The following HIF1A variants were observed in gnomAD, a reference collection of about 807,000 sequenced individuals.
The protein encoded by HIF1A is hypoxia-inducible factor 1-alpha.
A neutral mutation model predicts 92.7 loss-of-function variants in HIF1A; 24 were observed. The observed-to-expected ratio is 0.26, with a 90% confidence interval of 0.19 to 0.36. HIF1A has a LOEUF of 0.36. HIF1A is among the 10% of genes least tolerant of loss of function. The probability of loss-of-function intolerance (pLI) is 1.00; values close to 1 mark genes in which losing one functional copy is unlikely to be tolerated. For synonymous variants in HIF1A, 319 were observed against 338.7 expected, an observed-to-expected ratio of 0.94 and a Z score of 0.64; for missense variants, 799 against 998.5, an observed-to-expected ratio of 0.80 and a Z score of 2.69.
chr14:61,721,149 G>C (rs1438952916), intron 2 of HIF1A, among the ~76,000 whole-genome samples: 1 of 152,104 alleles, frequency 6.6e-6, no homozygotes, highest in Non-Finnish European at 1.5e-5. Context: ...GCTGAGGCAG[G>C]AGAATTGCTT....
chr14:61,705,874 A>G (rs1405793341), intron 1 of HIF1A, among the ~76,000 whole-genome samples: 1 of 152,180 alleles, frequency 6.6e-6, no homozygotes, highest in East Asian at 1.9e-4. Flanking sequence ...AATCTTAATC[A>G]TGGTCAAGGT....
At chr14:61,709,897 G>A (rs2044286721) in intron 1 of HIF1A, among the ~76,000 whole-genome samples, 1 of 152,106 alleles carries the variant, frequency 6.6e-6, no homozygotes, top group African/African-American at 2.4e-5. Flanking sequence ...GACAAATGCA[G>A]GTACAGTGAT....
Position 61,744,775 on chromosome 14 carries a change from A to G in HIF1A, c.2164A>G (p.Met722Val), listed in dbSNP as rs573267725. 1.3e-6 allele frequency: 2 copies of G among 1,595,610 alleles called. No homozygotes were observed. Among genetic ancestry groups the G allele is most frequent in the African/African-American group, 1.3e-5 (1 of 74,462 alleles). ...GCAGAATGCTCAGAGAAAGCGAAAA[A>G]TGGAACATGATGGTTCACTTTTTCA... The part of the protein sequence containing the change: ...ALQNAQRKRK[M>V]EHDGSLFQAV... The change falls in exon 13 of 15, where the codon ATG becomes GTG. Residue 722 changes from methionine to valine, a missense_variant. By Grantham distance (21) the Met-to-Val change is conservative (BLOSUM62 1). Coordinates refer to ENST00000337138, the MANE Select transcript of HIF1A (RefSeq NM_001530.4).
At chr14:61,717,873 T>G (rs1297702524) in intron 1 of HIF1A, among the ~76,000 whole-genome samples, 1 of 147,910 alleles carries the variant, frequency 6.8e-6, no homozygotes. Context: ...ATACAAAAAT[T>G]AGCCTGGCAT....
At chr14:61,735,137 T>A (rs1436164253) in intron 8 of HIF1A, among the ~76,000 whole-genome samples, 1 of 152,222 alleles carries the variant, frequency 6.6e-6, no homozygotes, top group African/African-American at 2.4e-5. Context: ...CAGGCTAAGC[T>A]TTCTAGTGTG....
chr14:61,704,344 T>C (rs570139351), intron 1 of HIF1A, among the ~76,000 whole-genome samples: 2 of 152,298 alleles, frequency 1.3e-5, no homozygotes, highest in African/African-American at 2.4e-5. Flanking sequence ...TGGTTTTTTT[T>C]CCATAAACAT....
chr14:61,733,498 T>TTTAATC (rs1333620234), intron 7 of HIF1A, among the ~76,000 whole-genome samples: 3 of 152,214 alleles, frequency 2.0e-5, no homozygotes, highest in Non-Finnish European at 4.4e-5. Flanking sequence ...ATCTCACCTG[T>TTTAATC]TTAATCTGTA....
intron 1 of HIF1A, among the ~76,000 whole-genome samples, chr14:61,696,618 T>G (rs762105613): frequency 1.3e-5 from 2 of 152,188 alleles, no homozygotes; most frequent in Non-Finnish European, 2.9e-5. Flanking sequence ...TCATATCACC[T>G]GTCACGAGAA....
chr14:61,717,001 A>G (rs771563097), intron 1 of HIF1A: 152 of 152,244 alleles, frequency 1.0e-3, no homozygotes, highest in Admixed American at 3.9e-3. Context: ...CAGCAGAAGA[A>G]CTTCACTTGA....
rs1215298795 is a variant in HIF1A, at chr14:61,747,111, T to C, written c.*26T>C. The C allele has an allele frequency of 1.9e-6, 3 of 1,589,194 alleles. No individual in the cohort carries two copies. The South Asian group carries it at 3.5e-5, about 18-fold the overall frequency. On this transcript the variant is annotated 3_prime_UTR_variant, in exon 15 of 15. Transcript: ENST00000337138. The stretch of plus-strand genomic sequence containing the variant: ...GCTTTTTCTTAATTTCATTCCTTTT[T>C]TTGGACACTGGTGGCTCATTACCTA...
At position 61,720,508 on chromosome 14, in the gene HIF1A, T is replaced by G. The variant is rs1345348773; in HGVS notation, c.162T>G (p.Leu54=). The G allele has an allele frequency of 6.2e-7, 1 of 1,613,612 alleles. No individual in the cohort carries two copies. Among genetic ancestry groups the G allele is most frequent in the Admixed American group, 1.7e-5 (1 of 59,946 alleles). ...LPLPHNVSSH[L]DKASVMRLTI... is the part of the protein sequence containing the mutation. The stretch of plus-strand genomic sequence containing the variant: ...TTCCACATAATGTGAGTTCGCATCT[T>G]GATAAGGCCTCTGTGATGAGGCTTA... Residue 54 remains leucine (L), a synonymous_variant, in exon 2 of 15, where the codon CTT becomes CTG. Transcript: ENST00000337138.
chr14:61,722,301 T>A (rs2044442002), intron 4 of HIF1A, among the ~76,000 whole-genome samples: 1 of 152,208 alleles, frequency 6.6e-6, no homozygotes, highest in Non-Finnish European at 1.5e-5. Context: ...CTGCTCAGGC[T>A]GGTCTTGAAC....
At chr14:61,720,269 T>C (rs1436731325) in intron 1 of HIF1A, 113 bp from the exon 2 acceptor site, 11 of 670,122 alleles carry the variant, frequency 1.6e-5, no homozygotes, top group Admixed American at 3.5e-5. Context: ...CTTAATTACA[T>C]GGCATCTTCT....
At chr14:61,697,577 C>G in intron 1 of HIF1A, 1 of 511,840 alleles carries the variant, frequency 2.0e-6, no homozygotes, top group East Asian at 8.5e-5. Flanking sequence ...TCTAAATAAG[C>G]TCTTAGATTT....
At chr14:61,714,051 C>T (rs2044336753) in intron 1 of HIF1A, among the ~76,000 whole-genome samples, 1 of 151,928 alleles carries the variant, frequency 6.6e-6, no homozygotes, top group African/African-American at 2.4e-5. Flanking sequence ...AGAGTTTTTT[C>T]CAAAACAATA....
chr14:61,735,903 C>G (rs564522604), intron 8 of HIF1A, among the ~76,000 whole-genome samples: 2 of 152,132 alleles, frequency 1.3e-5, no homozygotes, highest in Non-Finnish European at 2.9e-5. Context: ...CACAACAATT[C>G]TGAAGATTTG....
At chr14:61,711,477 G>A in intron 1 of HIF1A, among the ~76,000 whole-genome samples, 1 of 152,088 alleles carries the variant, frequency 6.6e-6, no homozygotes, top group East Asian at 1.9e-4. Flanking sequence ...AGCGATAAGG[G>A]AACTAATCTT....
chr14:61,729,034 T>C (rs942891680), intron 6 of HIF1A, among the ~76,000 whole-genome samples: 3 of 152,194 alleles, frequency 2.0e-5, no homozygotes, highest in Non-Finnish European at 4.4e-5. Context: ...CAAACAAAGA[T>C]ATTTATGCTC....
chr14:61,711,306 A>G (rs564999892), intron 1 of HIF1A, among the ~76,000 whole-genome samples: 5 of 150,764 alleles, frequency 3.3e-5, no homozygotes, highest in African/African-American at 1.2e-4. Context: ...CTGGGCTCAA[A>G]TAATCCTCCT....
Sources: gnomAD v4.1 joint callset for allele counts (sites outside exome capture counted in the v4.1 genomes callset) on GRCh38, gnomAD v4.1.1 for gene constraint, MANE v1.5 for transcripts, NCBI Gene and HGNC (gene_info 2026-07-23, HGNC 2026-07-21) for gene names.